ARHGEF6: variants seen among roughly 807,000 people sequenced by gnomAD.
The protein encoded by ARHGEF6 is Rac/Cdc42 guanine nucleotide exchange factor 6.
A neutral mutation model predicts 70.3 loss-of-function variants in ARHGEF6; 9 were observed. The observed-to-expected ratio is 0.13, with a 90% CI of 0.08 to 0.22. The LOEUF (loss-of-function observed/expected upper bound fraction) is 0.22, where lower values mean the gene tolerates loss of function less well. ARHGEF6 is among the 10% of genes least tolerant of loss of function. The pLI is 1.00. For synonymous variants in ARHGEF6, 201 were observed against 207.8 expected (o/e 0.97, Z 0.28); for missense variants, 470 against 563.0 (o/e 0.83, Z 1.67).
At chrX:136,713,002 CTT>C (rs1191937145) in intron 7 of ARHGEF6, among the ~76,000 whole-genome samples, 3 of 102,326 alleles carry the variant, frequency 2.9e-5, no homozygotes, top group Non-Finnish European at 4.0e-5. Flanking sequence ...AAGCACATCA[CTT>C]TTTTTTTTTT....
chrX:136,684,711 G>T (rs915049327), intron 12 of ARHGEF6, among the ~76,000 whole-genome samples: 2 of 110,838 alleles, frequency 1.8e-5, no homozygotes, highest in Non-Finnish European at 3.8e-5. Context: ...ATATCTACAG[G>T]TCTAAAATTA....
chrX:136,721,493 G>A (rs2076796844), intron 6 of ARHGEF6, among the ~76,000 whole-genome samples: 1 of 111,280 alleles, frequency 9.0e-6, no homozygotes, highest in Non-Finnish European at 1.9e-5. Context: ...AGTCCAGGGG[G>A]CAGAGGTTGC....
chrX:136,710,027 C>T (rs1202234172), intron 7 of ARHGEF6, among the ~76,000 whole-genome samples: 2 of 107,325 alleles, frequency 1.9e-5, no homozygotes, highest in Non-Finnish European at 3.9e-5. Context: ...AACACTAGGC[C>T]GGGTGTGGTG....
chrX:136,763,681 C>T (rs1222211940), intron 2 of ARHGEF6, among the ~76,000 whole-genome samples: 3 of 110,991 alleles, frequency 2.7e-5, no homozygotes, highest in East Asian at 2.8e-4. Flanking sequence ...AAAAATTAGC[C>T]GGGCGTGGTG....
rs1288145761 is a variant in ARHGEF6, at chrX:136,780,803, G to A, written c.80C>T (p.Pro27Leu). The change falls in exon 1 of 22, where the codon CCG becomes CTG. Residue 27 changes from proline to leucine, a missense_variant. Physicochemically the swap from Pro to Leu is moderately conservative, Grantham distance 98 (BLOSUM62 -3). Transcript: ENST00000250617. ...CAGCGAGGACTTTAAAAACTCCTCC[G>A]GATCACAGATGGTCTTTTTAGGGGA... ...LESPKKTICD[P>L]EEFLKSSLKN... 2.5e-6 allele frequency: 3 copies of A among 1,210,804 alleles called. No homozygotes were observed. The highest frequency in any genetic ancestry group is 3.4e-6 in the Non-Finnish European group (3 of 895,041).
At chrX:136,741,075 A>G (rs1399597728) in intron 5 of ARHGEF6, among the ~76,000 whole-genome samples, 2 of 112,030 alleles carry the variant, frequency 1.8e-5, no homozygotes, top group Non-Finnish European at 3.8e-5. Flanking sequence ...TCTGTTAGTA[A>G]ACATATTCCA....
chrX:136,717,950 C>T lies in ARHGEF6; in HGVS notation c.733-4580G>A, dbSNP rs140862888. 1.2e-4 allele frequency among the ~76,000 whole-genome samples: 13 copies of T among 111,099 alleles called. No individual in the cohort carries two copies. In the East Asian group the frequency reaches 2.8e-3, roughly 24 times the overall value. ...GCAAAAAAATGTGGAAGACAAAAAGCGAACAACGAAAAGGGCAACAAATAG... is the reference window on the plus strand; with the variant it reads ...GCAAAAAAATGTGGAAGACAAAAAGTGAACAACGAAAAGGGCAACAAATAG... On this transcript the variant is annotated intron_variant, in intron 6 of 21. Transcript: ENST00000250617.
intron 2 of ARHGEF6, among the ~76,000 whole-genome samples, chrX:136,753,147 G>A (rs1197370550): frequency 8.9e-6 from 1 of 112,319 alleles, no homozygotes; most frequent in Non-Finnish European, 1.9e-5. Flanking sequence ...TATAGTGGAT[G>A]GCATTTCTAC....
Position 136,667,947 on chromosome X carries a change from A to G in ARHGEF6, c.*82T>C. ...TCAAACACAAAACAAAAGCCAAAGA[A>G]GTGAGCAAACTGAGTCAAATCATTC... On this transcript the variant is annotated 3_prime_UTR_variant, in exon 22 of 22. Transcript: ENST00000250617. The G allele has an allele frequency of 8.7e-7, 1 of 1,150,618 alleles. No homozygotes were observed. 94.8% of individuals were successfully genotyped at this position (1,150,618 alleles called of 1,213,427 possible).
At chrX:136,742,744 A>C (rs2077057234) in intron 5 of ARHGEF6, among the ~76,000 whole-genome samples, 1 of 111,752 alleles carries the variant, frequency 8.9e-6, no homozygotes, top group Non-Finnish European at 1.9e-5. Context: ...GGAGGCCGAC[A>C]CAGGAAGATC....
At chrX:136,696,564 G>A (rs753423110) in intron 9 of ARHGEF6, among the ~76,000 whole-genome samples, 22 of 110,789 alleles carry the variant, frequency 2.0e-4, no homozygotes, top group Non-Finnish European at 3.2e-4. Flanking sequence ...GCTGCGTTGA[G>A]TTATGATTGT....
chrX:136,710,391 G>A (rs1351438981), intron 7 of ARHGEF6, among the ~76,000 whole-genome samples: 1 of 98,931 alleles, frequency 1.0e-5, no homozygotes, highest in Non-Finnish European at 2.0e-5. Flanking sequence ...ATATTTTTTT[G>A]CTGACTAAGA....
At chrX:136,746,619 G>A (rs751336976) in intron 3 of ARHGEF6, among the ~76,000 whole-genome samples, 6 of 111,546 alleles carry the variant, frequency 5.4e-5, no homozygotes, top group Non-Finnish European at 9.4e-5. Context: ...AGCACCTGGC[G>A]ATGCTGGGCA....
chrX:136,731,311 A>G (rs940530948), intron 6 of ARHGEF6, among the ~76,000 whole-genome samples: 1 of 112,069 alleles, frequency 8.9e-6, no homozygotes, highest in Non-Finnish European at 1.9e-5. Flanking sequence ...GGAGATGAGT[A>G]CGCAAGACAA....
chrX:136,709,283 G>C (rs1019436889), intron 7 of ARHGEF6, among the ~76,000 whole-genome samples: 1 of 100,352 alleles, frequency 1.0e-5, no homozygotes, highest in Non-Finnish European at 2.0e-5. Flanking sequence ...GTTTGTTTCT[G>C]GAGTAGAGTG....
chrX:136,736,787 C>G (rs1872027795), intron 5 of ARHGEF6, among the ~76,000 whole-genome samples: 1 of 111,343 alleles, frequency 9.0e-6, no homozygotes, highest in African/African-American at 3.3e-5. Flanking sequence ...GTAATTATCT[C>G]TAGATGAGAG....
intron 6 of ARHGEF6, among the ~76,000 whole-genome samples, chrX:136,724,493 T>G (rs1015603741): frequency 3.6e-5 from 4 of 111,238 alleles, no homozygotes; most frequent in Non-Finnish European, 5.7e-5. Flanking sequence ...TGTTGTGTGT[T>G]TGTTTGATTG....
At chrX:136,683,618 A>G (rs1229747583) in intron 12 of ARHGEF6, among the ~76,000 whole-genome samples, 1 of 111,815 alleles carries the variant, frequency 8.9e-6, no homozygotes, top group Non-Finnish European at 1.9e-5. Flanking sequence ...TCAGCCTCCC[A>G]TACACTTTTT....
intron 5 of ARHGEF6, among the ~76,000 whole-genome samples, chrX:136,740,016 A>C (rs1189980723): frequency 9.1e-6 from 1 of 109,947 alleles, no homozygotes; most frequent in Non-Finnish European, 1.9e-5. Context: ...TATTATTATT[A>C]TTATTATTTT....
Sources: gnomAD v4.1 joint callset for allele counts (sites outside exome capture counted in the v4.1 genomes callset) on GRCh38, gnomAD v4.1.1 for gene constraint, MANE v1.5 for transcripts, NCBI Gene and HGNC (gene_info 2026-07-23, HGNC 2026-07-21) for gene names.